MYO9B: variants seen among roughly 807,000 people sequenced by gnomAD.
MYO9B encodes the protein myosin IXB.
A neutral mutation model predicts 229.5 loss-of-function variants in MYO9B; 71 were observed. That is an observed-to-expected ratio of 0.31 (90% CI 0.26 to 0.38). The LOEUF is 0.38. Ranked by LOEUF, MYO9B falls within the 10% of genes least tolerant of loss-of-function variation. The pLI is 1.00. For missense variants in MYO9B, 2,255 were observed against 2,920.5 expected, an observed-to-expected ratio of 0.77 and a Z score of 5.25; for synonymous variants, 1,185 against 1,235.8, an observed-to-expected ratio of 0.96 and a Z score of 0.86.
chr19:17,145,933 G>A (rs1010923759), intron 3 of MYO9B, among the ~76,000 whole-genome samples: 2 of 151,208 alleles, frequency 1.3e-5, no homozygotes, highest in African/African-American at 4.9e-5. Flanking sequence ...GACTCATGAG[G>A]GGATGGATGG....
At chr19:17,197,318 T>G (rs2073053410) in intron 22 of MYO9B, among the ~76,000 whole-genome samples, 1 of 147,588 alleles carries the variant, frequency 6.8e-6, no homozygotes, top group African/African-American at 2.5e-5. Context: ...GATGAAGAGA[T>G]GGATGGAAGG....
intron 36 of MYO9B, among the ~76,000 whole-genome samples, chr19:17,209,993 G>GACTT (rs1299381069): frequency 6.6e-6 from 1 of 152,192 alleles, no homozygotes; most frequent in African/African-American, 2.4e-5. Context: ...GGTAGGGGCA[G>GACTT]ACTTACTGCC....
At chr19:17,175,349 C>T (rs989189731) in intron 13 of MYO9B, among the ~76,000 whole-genome samples, 3 of 151,106 alleles carry the variant, frequency 2.0e-5, no homozygotes, top group South Asian at 2.1e-4. Flanking sequence ...TTTTGGGAGG[C>T]CAAGGTGGGC....
At position 17,145,393 on chromosome 19, in the gene MYO9B, G is replaced by A. The variant is rs1314461154; in HGVS notation, c.841-4G>A. On this transcript the variant is annotated splice_region_variant and splice_polypyrimidine_tract_variant and intron_variant, in intron 2 of 39. Transcript: ENST00000682292. ...TCTGAAACCTGCTTTTGATTTCCTT[G>A]CAGGCTTTTGGAAATGCCAAGACAG... is the stretch of plus-strand genomic sequence containing the variant. The A allele has an allele frequency of 8.7e-6, 14 of 1,613,632 alleles. No individual in the cohort carries two copies. The East Asian group carries it at 3.1e-4, about 36-fold the overall frequency.
chr19:17,094,895 A>G (rs959147023), intron 1 of MYO9B, among the ~76,000 whole-genome samples: 4 of 151,988 alleles, frequency 2.6e-5, no homozygotes, highest in Middle Eastern at 3.2e-3. Flanking sequence ...GTGAGCCACA[A>G]TTGCACCACT....
intron 30 of MYO9B, among the ~76,000 whole-genome samples, chr19:17,204,938 G>A (rs1371964226): frequency 6.6e-6 from 1 of 152,066 alleles, no homozygotes; most frequent in Non-Finnish European, 1.5e-5. Context: ...GATCACCTGA[G>A]GTCGGTAGTT....
At chr19:17,184,805 G>T (rs965657978) in intron 16 of MYO9B, 60 bp from the exon 17 acceptor site, 10 of 1,606,466 alleles carry the variant, frequency 6.2e-6, no homozygotes, top group Non-Finnish European at 8.5e-6. Context: ...CACCTGTGAT[G>T]CCTCCCCGTG....
intron 2 of MYO9B, among the ~76,000 whole-genome samples, chr19:17,125,606 C>T (rs368782017): frequency 3.3e-5 from 5 of 152,262 alleles, no homozygotes; most frequent in Non-Finnish European, 4.4e-5. Context: ...TAAAGGGCCA[C>T]GTCCTAGCCC....
rs187469821 is a variant in MYO9B, at chr19:17,172,712, G to A, written c.1936-47G>A. Reference sequence around the variant, plus strand: ...CAGCCCGGGGTCTTTGGTAGGCGCCGGTGAGTGACTATCCCCGAGTGACCG... The same window carrying A: ...CAGCCCGGGGTCTTTGGTAGGCGCCAGTGAGTGACTATCCCCGAGTGACCG... On this transcript the variant is annotated intron_variant, in intron 12 of 39. Transcript: ENST00000682292. This position sits in a 1 kb window ranked among gnomAD's most constrained non-coding sequence, Gnocchi z 8.2. 3.3e-5 allele frequency: 52 copies of A among 1,599,658 alleles called. No homozygotes were observed. In the South Asian group the frequency reaches 3.7e-4, roughly 12 times the overall value.
intron 16 of MYO9B, 114 bp from the exon 17 acceptor site, chr19:17,184,751 C>A: frequency 7.1e-7 from 1 of 1,403,350 alleles, no homozygotes; most frequent in Non-Finnish European, 9.7e-7. Flanking sequence ...AGCTGCTGCC[C>A]GGGCACTCGC....
chr19:17,095,207 C>A, intron 1 of MYO9B, among the ~76,000 whole-genome samples: 1 of 152,142 alleles, frequency 6.6e-6, no homozygotes, highest in Non-Finnish European at 1.5e-5. Flanking sequence ...CGCAGCACTG[C>A]AATGGAGTGC....
At chr19:17,112,743 G>A (rs1568668062) in intron 2 of MYO9B, among the ~76,000 whole-genome samples, 1 of 152,224 alleles carries the variant, frequency 6.6e-6, no homozygotes, top group East Asian at 1.9e-4. Context: ...CAGCCCCAGG[G>A]CTCATCAGGC....
At chr19:17,108,304 A>G (rs1295360509) in intron 2 of MYO9B, among the ~76,000 whole-genome samples, 3 of 152,222 alleles carry the variant, frequency 2.0e-5, no homozygotes, top group Non-Finnish European at 4.4e-5. Context: ...CGTCATGGCA[A>G]TAAACGTGCT....
intron 7 of MYO9B, among the ~76,000 whole-genome samples, chr19:17,157,948 C>G (rs181031090): frequency 9.1e-4 from 139 of 152,252 alleles, no homozygotes; most frequent in African/African-American, 3.3e-3. Flanking sequence ...ATCCCCTCCT[C>G]CTCCACCGGT....
intron 3 of MYO9B, among the ~76,000 whole-genome samples, chr19:17,147,869 A>T (rs2072432783): frequency 6.6e-6 from 1 of 151,034 alleles, no homozygotes; most frequent in Non-Finnish European, 1.5e-5. Context: ...TTTAGTAGAG[A>T]TGGGGTTTCT....
intron 8 of MYO9B, among the ~76,000 whole-genome samples, chr19:17,161,879 A>T (rs1398890570): frequency 6.6e-6 from 1 of 151,338 alleles, no homozygotes; most frequent in Non-Finnish European, 1.5e-5. Context: ...CCCCAGCTAC[A>T]CAGGAGGCTG....
At chr19:17,085,923 C>G (rs970535400) in intron 1 of MYO9B, among the ~76,000 whole-genome samples, 1 of 152,154 alleles carries the variant, frequency 6.6e-6, no homozygotes, top group Non-Finnish European at 1.5e-5. Context: ...TCCCTATCTT[C>G]GTTACAAGCC....
intron 2 of MYO9B, chr19:17,103,682 T>G (rs1246074500): frequency 2.6e-5 from 4 of 152,002 alleles, no homozygotes; most frequent in Non-Finnish European, 2.9e-5. Context: ...CTCTAGGAAC[T>G]GGCTAGAATC....
rs2073023188 is a variant in MYO9B at position 17,194,801 on chromosome 19, A to C, written c.3374A>C (p.Lys1125Thr). The change falls in exon 22 of 40, where the codon AAG (lysine) becomes ACG (threonine). Residue 1125 changes from lysine to threonine, a missense_variant. Coordinates refer to ENST00000682292, the MANE Select transcript of MYO9B (RefSeq NM_004145.4). ...GAGAAGGAGGCCCCAAGCCCAGAGA[A>C]GACTCTCCCACCCCAGAAAACCGTG... ...SPEKEAPSPEKTLPPQKTVAA... is the reference protein window; with the variant it reads ...SPEKEAPSPETTLPPQKTVAA... 6.2e-7 allele frequency: 1 copy of C among 1,613,288 alleles called. No individual in the cohort carries two copies. Among genetic ancestry groups the C allele is most frequent in the Non-Finnish European group, 8.5e-7 (1 of 1,179,888 alleles).
Sources: gnomAD v4.1 joint callset for allele counts (sites outside exome capture counted in the v4.1 genomes callset) on GRCh38, gnomAD v4.1.1 for gene constraint, Gnocchi (gnomAD v3.1) non-coding constraint, MANE v1.5 for transcripts, NCBI Gene and HGNC (gene_info 2026-07-23, HGNC 2026-07-21) for gene names.